The following SEMA3D variants were observed in gnomAD, a reference collection of about 807,000 sequenced individuals.
SEMA3D encodes semaphorin 3D.
In SEMA3D, 84 loss-of-function variants were observed where a neutral mutation model predicts 100.1. The observed-to-expected ratio is 0.84, with a 90% CI of 0.70 to 1.01. The LOEUF (loss-of-function observed/expected upper bound fraction) is 1.01. Ranked by LOEUF, SEMA3D falls within the 50% of genes least tolerant of loss-of-function variation. The pLI is 0.00. For missense variants in SEMA3D, 875 were observed against 934.1 expected (o/e 0.94, Z 0.82); for synonymous variants, 312 against 320.7 (o/e 0.97, Z 0.29).
chr7:85,050,879 A>G (rs1791144921), intron 9 of SEMA3D: 3 of 388,976 alleles, frequency 7.7e-6, no homozygotes, highest in Non-Finnish European at 9.3e-6. Context: ...TACCATCAAC[A>G]CCAACTTCTT....
At chr7:85,189,701 T>G (rs554379218), upstream of SEMA3D, among the ~76,000 whole-genome samples, 2 of 151,842 alleles carry the variant, frequency 1.3e-5, no homozygotes, top group African/African-American at 2.4e-5. Context: ...ATAACTTTCA[T>G]GTTCTTGGAA....
intron 5 of SEMA3D, among the ~76,000 whole-genome samples, chr7:85,075,003 C>T (rs1791883278): frequency 6.6e-6 from 1 of 152,096 alleles, no homozygotes; most frequent in Admixed American, 6.6e-5. Flanking sequence ...ACATGATCAC[C>T]AGGTAAATTT....
At chr7:85,183,852 G>C (rs1791466584) in intron 1 of SEMA3D, among the ~76,000 whole-genome samples, 1 of 152,132 alleles carries the variant, frequency 6.6e-6, no homozygotes, top group South Asian at 2.1e-4. Context: ...GTGAACCAAT[G>C]GTACTGAAAT....
chr7:85,062,561 G>A (rs184944317), intron 8 of SEMA3D, among the ~76,000 whole-genome samples: 2 of 152,174 alleles, frequency 1.3e-5, no homozygotes, highest in East Asian at 1.9e-4. Flanking sequence ...ATCAGAAAAT[G>A]GATATTGAAG....
intron 17 of SEMA3D, among the ~76,000 whole-genome samples, chr7:85,008,014 G>A (rs1584519637): frequency 6.6e-6 from 1 of 151,810 alleles, no homozygotes; most frequent in Non-Finnish European, 1.5e-5. Flanking sequence ...CCTTCAAAAT[G>A]TGTGGATTCC....
chr7:85,239,431 G>C, the SEMA3D span, among the ~76,000 whole-genome samples: 1 of 152,136 alleles, frequency 6.6e-6, no homozygotes, highest in South Asian at 2.1e-4. Context: ...AGACCTGCTG[G>C]TGCTTTGCTT....
In SEMA3D at chr7:84,999,691, C is replaced by T. The variant is rs1789602023; in HGVS notation, c.2083G>A (p.Ala695Thr). The T allele has an allele frequency of 6.2e-7, 1 of 1,613,936 alleles. No individual in the cohort carries two copies. Among genetic ancestry groups the T allele is most frequent in the African/African-American group, 1.3e-5 (1 of 74,912 alleles). ...ENEQMENTQRAEHEEGKVKDL... is the reference protein window; with the variant it reads ...ENEQMENTQRTEHEEGKVKDL... The stretch of plus-strand genomic sequence containing the variant: ...TTGACCTTCCCCTCCTCATGCTCTG[C>T]CCTCTGGGTATTTTCCATCTGTTCA... The change falls in exon 19 of 19, where the codon GCA (alanine) becomes ACA (threonine). Residue 695 changes from alanine to threonine, a missense_variant. Ala to Thr is a moderately conservative substitution (Grantham distance 58). Coordinates refer to ENST00000284136, the MANE Select transcript of SEMA3D (RefSeq NM_001384900.1).
At chr7:85,212,010 A>T in the SEMA3D span, among the ~76,000 whole-genome samples, 1 of 152,132 alleles carries the variant, frequency 6.6e-6, no homozygotes, top group Admixed American at 6.6e-5. Flanking sequence ...GTTATCAGTG[A>T]ATTTTTGACC....
the SEMA3D span, among the ~76,000 whole-genome samples, chr7:85,194,786 G>A: frequency 6.6e-6 from 1 of 152,084 alleles, no homozygotes; most frequent in Non-Finnish European, 1.5e-5. Flanking sequence ...TATCATCAGG[G>A]TTAGTTTATT....
upstream of SEMA3D, among the ~76,000 whole-genome samples, chr7:85,189,905 A>C (rs1325130604): frequency 6.6e-6 from 1 of 152,168 alleles, no homozygotes; most frequent in Admixed American, 6.5e-5. Context: ...AACAAATCCA[A>C]AGAATAAAAT....
At chr7:85,007,272 T>A (rs908377173) in intron 17 of SEMA3D, among the ~76,000 whole-genome samples, 6 of 151,942 alleles carry the variant, frequency 3.9e-5, no homozygotes, top group African/African-American at 1.4e-4. Context: ...TTTAGTGCTT[T>A]AATACTTTTT....
the SEMA3D span, among the ~76,000 whole-genome samples, chr7:85,217,669 T>C: frequency 6.6e-6 from 1 of 152,082 alleles, no homozygotes; most frequent in African/African-American, 2.4e-5. Context: ...TGCCAATAAG[T>C]GCCAGCAAAC....
intron 1 of SEMA3D, among the ~76,000 whole-genome samples, chr7:85,168,050 T>G (rs901441810): frequency 7.2e-5 from 11 of 151,888 alleles, no homozygotes; most frequent in African/African-American, 1.9e-4. Flanking sequence ...TATTTTGGAC[T>G]GGGGTGTATA....
chr7:85,086,078 A>T (rs1788203854), intron 4 of SEMA3D, among the ~76,000 whole-genome samples: 1 of 152,216 alleles, frequency 6.6e-6, no homozygotes, highest in African/African-American at 2.4e-5. Context: ...AGTAAAATTA[A>T]AACCTTCAAA....
In SEMA3D at chr7:84,999,513, T is replaced by C; in HGVS notation, c.2261A>G (p.Gln754Arg). Residue 754 changes from glutamine (Q) to arginine (R), a missense_variant, in exon 19 of 19, where the codon CAG (glutamine) becomes CGG (arginine). By Grantham distance (43) the Gln-to-Arg change is conservative. Coordinates refer to ENST00000284136, the MANE Select transcript of SEMA3D (RefSeq NM_001384900.1). Reference sequence around the variant, plus strand: ...TCGATTTCGTTTCTTCTTCATTTCCTGCATGTGCTTCCACTTTGGGCCCCC... The same window carrying C: ...TCGATTTCGTTTCTTCTTCATTTCCCGCATGTGCTTCCACTTTGGGCCCCC... The part of the protein sequence containing the change: ...NKGGPKWKHM[Q>R]EMKKKRNRRH... 6.2e-7 allele frequency: 1 copy of C among 1,614,138 alleles called. No homozygotes were observed. Among genetic ancestry groups the C allele is most frequent in the Non-Finnish European group, 8.5e-7 (1 of 1,180,020 alleles).
chr7:85,166,630 A>T (rs1790913799), intron 1 of SEMA3D, among the ~76,000 whole-genome samples: 1 of 151,992 alleles, frequency 6.6e-6, no homozygotes, highest in South Asian at 2.1e-4. Context: ...GAGATAAAGC[A>T]AATTGCCCAA....
At chr7:85,113,089 G>A (rs1789136956) in intron 3 of SEMA3D, among the ~76,000 whole-genome samples, 1 of 152,110 alleles carries the variant, frequency 6.6e-6, no homozygotes, top group African/African-American at 2.4e-5. Flanking sequence ...TAGTGATGAT[G>A]GCGAGATAGA....
At chr7:85,063,052 A>T (rs1791519994) in intron 8 of SEMA3D, among the ~76,000 whole-genome samples, 1 of 152,172 alleles carries the variant, frequency 6.6e-6, no homozygotes, top group Admixed American at 6.5e-5. Flanking sequence ...GATGATATTG[A>T]TGCTAATTCA....
chr7:85,044,283 A>G (rs1001912663), intron 9 of SEMA3D, among the ~76,000 whole-genome samples: 1 of 152,090 alleles, frequency 6.6e-6, no homozygotes, highest in Non-Finnish European at 1.5e-5. Context: ...GGAGAAAGAA[A>G]GGAAACCAGA....
Sources: allele counts gnomAD v4.1 joint callset (sites outside exome capture counted in the v4.1 genomes callset), GRCh38; gene constraint gnomAD v4.1.1; transcripts MANE v1.5; gene names NCBI Gene and HGNC (gene_info 2026-07-23, HGNC 2026-07-21).